Variants in FRK observed in about 807,000 individuals in gnomAD.
FRK encodes tyrosine-protein kinase FRK.
FRK carries 51 observed loss-of-function variants against 56.4 expected under a neutral mutation model. The ratio of observed to expected loss-of-function variants is 0.90; its 90% CI spans 0.72 to 1.14. The LOEUF (loss-of-function observed/expected upper bound fraction) is 1.14. Among genes scored for constraint, FRK ranks in the 50% most tolerant of loss-of-function variants. The pLI is 0.00. For synonymous variants in FRK, 245 were observed against 217.9 expected (o/e 1.12, Z -1.10); for missense variants, 570 against 601.4 (o/e 0.95, Z 0.55).
chr6:115,974,836 A>G (rs1773933156), intron 2 of FRK, among the ~76,000 whole-genome samples: 1 of 152,072 alleles, frequency 6.6e-6, no homozygotes, highest in Non-Finnish European at 1.5e-5. Context: ...AAATCCTCAG[A>G]GCCAGCCTTC....
At chr6:116,056,119 C>T (rs781093698) in intron 1 of FRK, among the ~76,000 whole-genome samples, 5 of 152,060 alleles carry the variant, frequency 3.3e-5, no homozygotes, top group Non-Finnish European at 7.4e-5. Context: ...TCATCTCTGA[C>T]CCTAGTTCAA....
At chr6:115,975,727 G>C (rs1465459994) in intron 2 of FRK, among the ~76,000 whole-genome samples, 1 of 152,080 alleles carries the variant, frequency 6.6e-6, no homozygotes, top group Non-Finnish European at 1.5e-5. Context: ...AAATAAACTG[G>C]AATCATCCAT....
chr6:116,055,362 T>C (rs1002722005), intron 1 of FRK, among the ~76,000 whole-genome samples: 1 of 152,224 alleles, frequency 6.6e-6, no homozygotes, highest in Non-Finnish European at 1.5e-5. Flanking sequence ...CAAATATTTA[T>C]TCTTGCTTTC....
At chr6:116,068,587 T>C in the FRK span, among the ~76,000 whole-genome samples, 1 of 152,168 alleles carries the variant, frequency 6.6e-6, no homozygotes, top group African/African-American at 2.4e-5. Context: ...ATGTCCTTAA[T>C]ATCCATAACT....
chr6:115,946,198 C>T (rs1299784314), intron 5 of FRK, among the ~76,000 whole-genome samples: 2 of 152,090 alleles, frequency 1.3e-5, no homozygotes, highest in African/African-American at 4.8e-5. Flanking sequence ...GACACAAGCC[C>T]TGACTTGAGA....
chr6:116,050,870 C>A (rs1777153273), intron 1 of FRK, among the ~76,000 whole-genome samples: 1 of 152,170 alleles, frequency 6.6e-6, no homozygotes, highest in Admixed American at 6.5e-5. Flanking sequence ...AATCCTGCTT[C>A]TCAAAAGTGC....
intron 2 of FRK, among the ~76,000 whole-genome samples, chr6:115,989,294 T>C (rs1774504526): frequency 6.6e-6 from 1 of 151,910 alleles, no homozygotes; most frequent in South Asian, 2.1e-4. Context: ...CTTTTATTTA[T>C]CTATTTTATT....
the FRK span, among the ~76,000 whole-genome samples, chr6:116,066,986 G>T: frequency 5.3e-5 from 8 of 152,232 alleles, no homozygotes; most frequent in East Asian, 1.4e-3. Flanking sequence ...ACTTCAGAAC[G>T]TGACCTTATT....
At chr6:116,074,779 T>G in the FRK span, among the ~76,000 whole-genome samples, 1 of 152,096 alleles carries the variant, frequency 6.6e-6, no homozygotes, top group Non-Finnish European at 1.5e-5. Context: ...TATGAAGGGA[T>G]GTGAAAAACT....
the FRK span, among the ~76,000 whole-genome samples, chr6:116,098,116 TTTTTTTTTTTTA>T: frequency 7.4e-4 from 94 of 127,450 alleles, 1 homozygote; most frequent in African/African-American, 2.9e-3. Flanking sequence ...TTTTTTTTTT[TTTTTTTTTTTTA>T]AAAGACAGGG....
chr6:115,967,508 A>T (rs773079378), intron 4 of FRK, 43 bp downstream of exon 4: 29 of 1,586,086 alleles, frequency 1.8e-5, no homozygotes, highest in Non-Finnish European at 1.6e-5. Flanking sequence ...AATTGAGCTC[A>T]TAAAAATCAA....
the FRK span, among the ~76,000 whole-genome samples, chr6:116,083,081 G>T: frequency 6.6e-6 from 1 of 152,184 alleles, no homozygotes; most frequent in African/African-American, 2.4e-5. Context: ...AAGGAGTAGG[G>T]TTCCTATAAG....
chr6:115,954,852 C>T (rs1772923289), intron 5 of FRK, among the ~76,000 whole-genome samples: 1 of 152,088 alleles, frequency 6.6e-6, no homozygotes, highest in South Asian at 2.1e-4. Flanking sequence ...TAGTCTCATC[C>T]CCTTTCTCTG....
At chr6:115,990,102 C>T (rs1205455754) in intron 2 of FRK, among the ~76,000 whole-genome samples, 2 of 151,814 alleles carry the variant, frequency 1.3e-5, no homozygotes, top group African/African-American at 2.4e-5. Flanking sequence ...CTGTTCCTGT[C>T]CTCAACTTAC....
intron 4 of FRK, among the ~76,000 whole-genome samples, chr6:115,965,280 C>A (rs1460825290): frequency 1.1e-5 from 1 of 94,806 alleles, no homozygotes; most frequent in African/African-American, 4.1e-5. Flanking sequence ...ATTTATGCAG[C>A]CAAAAAACAC....
rs574052813 is a variant in FRK at position 116,025,960 on chromosome 6, G to A, written c.345-21962C>T. Among the ~76,000 whole-genome samples, 38 of 152,242 alleles carry A rather than the reference G, an allele frequency of 2.5e-4. No individual in the cohort carries two copies. The South Asian group carries it at 6.2e-3, about 25-fold the overall frequency. On this transcript the variant is annotated intron_variant, in intron 1 of 7. Coordinates refer to ENST00000606080, the MANE Select transcript of FRK (RefSeq NM_002031.3). ...TGAGGAAACTCATCTGAGTTAAAAA[G>A]GGGGTAATAATAGTACATTCTTCAC... is the stretch of plus-strand genomic sequence containing the variant.
intron 2 of FRK, among the ~76,000 whole-genome samples, chr6:115,976,449 C>G (rs1773994392): frequency 6.6e-6 from 1 of 152,098 alleles, no homozygotes; most frequent in Admixed American, 6.6e-5. Flanking sequence ...CTGCAAGACA[C>G]AAAGACGTCA....
At chr6:116,031,585 C>T (rs1438275290) in intron 1 of FRK, among the ~76,000 whole-genome samples, 2 of 152,050 alleles carry the variant, frequency 1.3e-5, no homozygotes, top group Admixed American at 6.6e-5. Flanking sequence ...AACTCCACAT[C>T]ACCCCAATTT....
intron 1 of FRK, among the ~76,000 whole-genome samples, chr6:116,046,810 T>C (rs1776982310): frequency 6.6e-6 from 1 of 151,992 alleles, no homozygotes; most frequent in South Asian, 2.1e-4. Flanking sequence ...ATTCCTTGAA[T>C]AGATAGATCT....
Sources: allele counts gnomAD v4.1 joint callset (sites outside exome capture counted in the v4.1 genomes callset), GRCh38; gene constraint gnomAD v4.1.1; transcripts MANE v1.5; gene names NCBI Gene and HGNC (gene_info 2026-07-23, HGNC 2026-07-21).